IQCM: variants seen among roughly 807,000 people sequenced by gnomAD.
The protein encoded by IQCM is IQ motif containing M.
Under a neutral mutation model 57.6 loss-of-function variants are expected in IQCM, and 45 were observed. The ratio of observed to expected loss-of-function variants is 0.78; its 90% CI spans 0.62 to 1.00. IQCM has a LOEUF of 1.00. Among genes scored for constraint, IQCM ranks in the 50% least tolerant of loss-of-function variants. IQCM has a pLI of 0.00. For missense variants in IQCM, 468 were observed against 511.6 expected, an observed-to-expected ratio of 0.91 and a Z score of 0.82; for synonymous variants, 148 against 158.9, an observed-to-expected ratio of 0.93 and a Z score of 0.51.
At chr4:149,424,369 A>G (rs973291512) in intron 13 of IQCM, among the ~76,000 whole-genome samples, 30 of 151,762 alleles carry the variant, frequency 2.0e-4, no homozygotes, top group Admixed American at 3.9e-4. Context: ...ACAAAGAACA[A>G]TATAAAAATA....
intron 7 of IQCM, among the ~76,000 whole-genome samples, chr4:149,630,866 G>A (rs6843341): frequency 0.017 from 2,615 of 152,168 alleles, 79 homozygotes; most frequent in African/African-American, 0.06. Context: ...ACTTAATATA[G>A]CAAGCTTGAG....
intron 13 of IQCM, among the ~76,000 whole-genome samples, chr4:149,432,337 TG>T (rs1347599179): frequency 6.6e-6 from 1 of 152,048 alleles, no homozygotes; most frequent in Non-Finnish European, 1.5e-5. Context: ...TGTGCTCATT[TG>T]CTATCTATAT....
At chr4:149,702,939 G>C (rs1763878006) in intron 5 of IQCM, among the ~76,000 whole-genome samples, 1 of 151,846 alleles carries the variant, frequency 6.6e-6, no homozygotes, top group South Asian at 2.1e-4. Context: ...AGGCCTACTT[G>C]AGTTTCAAAT....
At chr4:149,533,934 T>G (rs978529079) in intron 12 of IQCM, among the ~76,000 whole-genome samples, 3 of 152,088 alleles carry the variant, frequency 2.0e-5, no homozygotes, top group Non-Finnish European at 2.9e-5. Context: ...GAACTGCACT[T>G]TTCATGGAAC....
At chr4:149,796,844 C>T (rs1580323481) in intron 2 of IQCM, among the ~76,000 whole-genome samples, 1 of 152,182 alleles carries the variant, frequency 6.6e-6, no homozygotes, top group South Asian at 2.1e-4. Flanking sequence ...TTGCAAGAAC[C>T]ACAGTATTGC....
At chr4:149,779,124 C>T (rs1771369406) in intron 2 of IQCM, among the ~76,000 whole-genome samples, 1 of 152,112 alleles carries the variant, frequency 6.6e-6, no homozygotes, top group Non-Finnish European at 1.5e-5. Context: ...AAAAATTACA[C>T]ACCATGATCA....
chr4:149,662,848 T>C (rs1167868692), intron 7 of IQCM, among the ~76,000 whole-genome samples: 3 of 152,186 alleles, frequency 2.0e-5, no homozygotes, highest in Non-Finnish European at 4.4e-5. Context: ...CTTGTTTTTA[T>C]GTCCATTCAC....
intron 9 of IQCM, among the ~76,000 whole-genome samples, chr4:149,575,558 T>C (rs1751554256): frequency 6.6e-6 from 1 of 151,860 alleles, no homozygotes; most frequent in Non-Finnish European, 1.5e-5. Context: ...GGGTGCCTTC[T>C]GTTCTCTTTT....
chr4:149,747,044 T>G (rs1767996647), intron 2 of IQCM, among the ~76,000 whole-genome samples: 1 of 152,190 alleles, frequency 6.6e-6, no homozygotes, highest in African/African-American at 2.4e-5. Context: ...CTTCCACTTT[T>G]CCTCTACTAA....
chr4:149,403,773 T>C (rs1732785926), intron 13 of IQCM, among the ~76,000 whole-genome samples: 1 of 152,022 alleles, frequency 6.6e-6, no homozygotes, highest in Non-Finnish European at 1.5e-5. Context: ...TCATTTATAA[T>C]GTCCCTATGT....
intron 2 of IQCM, among the ~76,000 whole-genome samples, chr4:149,745,340 T>C (rs1477521447): frequency 6.6e-6 from 1 of 152,222 alleles, no homozygotes; most frequent in Non-Finnish European, 1.5e-5. Flanking sequence ...GTAACTTCCA[T>C]AAAGGCAAAG....
intron 12 of IQCM, among the ~76,000 whole-genome samples, chr4:149,481,696 G>GTTTTTTTTTTTTTTTTTTTTTTTTT (rs1197852884): frequency 3.6e-4 from 12 of 33,602 alleles, no homozygotes; most frequent in African/African-American, 8.6e-4. Flanking sequence ...GATTCTTCCA[G>GTTTTTTTTTTTTTTTTTTTTTTTTT]TTTTGTTTTT....
chr4:149,430,154 T>C (rs1734726381), intron 13 of IQCM: 1 of 484,458 alleles, frequency 2.1e-6, no homozygotes, highest in Non-Finnish European at 3.2e-6. Context: ...TCTAGGCTAT[T>C]ATAGAACTGA....
At chr4:149,444,541 A>T (rs1736298004) in intron 12 of IQCM, among the ~76,000 whole-genome samples, 1 of 151,946 alleles carries the variant, frequency 6.6e-6, no homozygotes, top group Non-Finnish European at 1.5e-5. Flanking sequence ...TCATTTATAA[A>T]CGTGTATGCA....
At chr4:149,380,780 T>C (rs763318739) in intron 13 of IQCM, among the ~76,000 whole-genome samples, 11 of 152,148 alleles carry the variant, frequency 7.2e-5, no homozygotes, top group Admixed American at 2.0e-4. Context: ...AGAGAGCCAA[T>C]TGACATTCTA....
chr4:149,749,567 C>T lies in IQCM; in HGVS notation c.-48-6828G>A, dbSNP rs371768889. 5.9e-5 allele frequency among the ~76,000 whole-genome samples: 9 copies of T among 151,688 alleles called. No individual in the cohort carries two copies. In the East Asian group the frequency reaches 1.6e-3, roughly 26 times the overall value. ...TCTGAGGTGGGGGGCACAAGGAGGG[C>T]CTCTGGAATACCTTCCAGGGGGTAG... is the stretch of plus-strand genomic sequence containing the variant. On this transcript the variant is annotated intron_variant, in intron 2 of 13. Transcript: ENST00000636793.
chr4:149,603,374 G>A (rs934365686), intron 8 of IQCM, among the ~76,000 whole-genome samples: 1 of 152,142 alleles, frequency 6.6e-6, no homozygotes, highest in Admixed American at 6.5e-5. Context: ...AATCACTGAG[G>A]ACTCAACTGT....
intron 2 of IQCM, among the ~76,000 whole-genome samples, chr4:149,814,645 C>A (rs1218794228): frequency 1.3e-5 from 2 of 151,924 alleles, no homozygotes; most frequent in Non-Finnish European, 2.9e-5. Context: ...TCTAAAACCA[C>A]TATTCACCTC....
intron 12 of IQCM, 109 bp from the exon 13 acceptor site, chr4:149,433,666 A>G: frequency 2.4e-6 from 1 of 416,500 alleles, no homozygotes; most frequent in Admixed American, 4.5e-5. Context: ...ACAACAGGTC[A>G]CACTGAAAAC....
Sources: allele counts gnomAD v4.1 joint callset (sites outside exome capture counted in the v4.1 genomes callset), GRCh38; gene constraint gnomAD v4.1.1; transcripts MANE v1.5; gene names NCBI Gene and HGNC (gene_info 2026-07-23, HGNC 2026-07-21).